The following KIF20B variants were observed in gnomAD, a reference collection of about 807,000 sequenced individuals.
The protein encoded by KIF20B is kinesin family member 20B, also known as kinesin-like protein KIF20B.
A neutral mutation model predicts 232.5 loss-of-function variants in KIF20B; 188 were observed. The ratio of observed to expected loss-of-function variants is 0.81; its 90% CI spans 0.72 to 0.91. The LOEUF (loss-of-function observed/expected upper bound fraction) is 0.91, where lower values mean the gene tolerates loss of function less well. Among genes scored for constraint, KIF20B ranks in the 40% least tolerant of loss-of-function variants. The pLI is 0.00. For synonymous variants in KIF20B, 712 were observed against 683.0 expected (o/e 1.04, Z -0.66); for missense variants, 2,154 against 2,055.9 (o/e 1.05, Z -0.92).
At chr10:89,709,019 C>G (rs1488647909) in intron 2 of KIF20B, 148 bp from the exon 3 acceptor site, 4 of 625,240 alleles carry the variant, frequency 6.4e-6, no homozygotes, top group African/African-American at 5.7e-5. Context: ...TTGAGTTTTT[C>G]TAACATTATT....
At chr10:89,737,100 G>A (rs553579777) in intron 19 of KIF20B, among the ~76,000 whole-genome samples, 2 of 152,160 alleles carry the variant, frequency 1.3e-5, no homozygotes, top group African/African-American at 4.8e-5. Context: ...CTGAAAGTTA[G>A]AAATAGCTGG....
At chr10:89,769,845 A>G (rs1254305421) in intron 31 of KIF20B, among the ~76,000 whole-genome samples, 1 of 151,942 alleles carries the variant, frequency 6.6e-6, no homozygotes, top group East Asian at 1.9e-4. Context: ...TTGTGAGGTT[A>G]CCTGAATGAC....
rs1843005505 is a variant in KIF20B, at chr10:89,719,566, G to T, written c.1582G>T (p.Asp528Tyr). 1 of 1,613,456 alleles carries T rather than the reference G, an allele frequency of 6.2e-7. No individual in the cohort carries two copies. Reference sequence around the variant, plus strand: ...CATTTCATGGGAAAATAGTCTAGAAGATTTGATGGAAGACGAGGATTTGGT... The same window carrying T: ...CATTTCATGGGAAAATAGTCTAGAATATTTGATGGAAGACGAGGATTTGGT... ...ATISWENSLE[D>Y]LMEDEDLVEE... The change falls in exon 13 of 33, where the codon GAT (aspartate) becomes TAT (tyrosine). Residue 528 changes from aspartate to tyrosine, a missense_variant. By Grantham distance (160) the Asp-to-Tyr change is radical (BLOSUM62 -3). Coordinates refer to ENST00000371728, the MANE Select transcript of KIF20B (RefSeq NM_001284259.2).
chr10:89,723,705 T>G (rs1489681701), intron 13 of KIF20B: 2 of 222,212 alleles, frequency 9.0e-6, no homozygotes, highest in African/African-American at 4.6e-5. Flanking sequence ...CTAATTAACT[T>G]TACTTATTTT....
intron 2 of KIF20B, among the ~76,000 whole-genome samples, chr10:89,708,217 T>A (rs1330662287): frequency 1.3e-5 from 2 of 150,762 alleles, no homozygotes; most frequent in African/African-American, 4.8e-5. Flanking sequence ...AATTTGTATT[T>A]TTTTTTTTTT....
chr10:89,703,828 C>G (rs1842665034), intron 1 of KIF20B, among the ~76,000 whole-genome samples: 1 of 150,746 alleles, frequency 6.6e-6, no homozygotes, highest in Non-Finnish European at 1.5e-5. Flanking sequence ...TCTCGGCTCA[C>G]TGCAGCCTCT....
intron 29 of KIF20B, among the ~76,000 whole-genome samples, chr10:89,765,208 T>C (rs1338010655): frequency 1.3e-5 from 2 of 152,110 alleles, no homozygotes; most frequent in Non-Finnish European, 2.9e-5. Flanking sequence ...GTTGTAGATA[T>C]GCGGCGTTAT....
At position 89,719,444 on chromosome 10, in the gene KIF20B, C is replaced by A; in HGVS notation, c.1460C>A (p.Ser487Tyr). The change falls in exon 13 of 33, where the codon TCC (serine) becomes TAC (tyrosine). Residue 487 changes from serine to tyrosine, a missense_variant. Transcript: ENST00000371728. The stretch of plus-strand genomic sequence containing the variant: ...GTTTGTGTCCCAGACACTTTAAATT[C>A]CTCTCAAGAGAAATTATTTGGACCT... ...QKVCVPDTLNSSQEKLFGPVK... is the reference protein window; with the variant it reads ...QKVCVPDTLNYSQEKLFGPVK... 1 of 1,588,000 alleles carries A rather than the reference C, an allele frequency of 6.3e-7. No homozygotes were observed. The highest frequency in any genetic ancestry group is 1.2e-5 in the South Asian group (1 of 86,688).
At chr10:89,744,179 A>G (rs1293214888) in intron 22 of KIF20B, among the ~76,000 whole-genome samples, 2 of 152,202 alleles carry the variant, frequency 1.3e-5, no homozygotes, top group Non-Finnish European at 2.9e-5. Context: ...GAAACCTAGC[A>G]GATACCACTT....
chr10:89,735,464 A>G (rs1451989037), intron 19 of KIF20B, among the ~76,000 whole-genome samples: 2 of 151,856 alleles, frequency 1.3e-5, no homozygotes, highest in African/African-American at 4.8e-5. Flanking sequence ...AATATTCGGG[A>G]CTCATTAAAA....
At chr10:89,717,333 G>T (rs1842954822) in intron 9 of KIF20B, 91 bp from the exon 10 acceptor site, 1 of 762,080 alleles carries the variant, frequency 1.3e-6, no homozygotes, top group Non-Finnish European at 2.2e-6. Context: ...TTATACTAGG[G>T]TATAAATAAG....
Position 89,714,045 on chromosome 10 carries a change from A to G in KIF20B, c.676-2A>G. The G allele has an allele frequency of 7.2e-7, 1 of 1,392,584 alleles. No individual in the cohort carries two copies. The highest frequency in any genetic ancestry group is 9.7e-7 in the Non-Finnish European group (1 of 1,031,380). 86.3% of individuals were successfully genotyped at this position (1,392,584 alleles called of 1,614,324 possible). ...AATTTTTTAAAACAATCTTTTTTTT[A>G]GGTTACTGTGCATAATGATAGTGAT... On this transcript the variant is annotated splice_acceptor_variant, in intron 6 of 32. Transcript: ENST00000371728. LOFTEE classifies it high-confidence loss of function.
rs1196445111 is a variant in KIF20B, at chr10:89,738,115, G to C, written c.3274G>C (p.Val1092Leu). 3 of 1,610,418 alleles carry C rather than the reference G, an allele frequency of 1.9e-6. No homozygotes were observed. Among genetic ancestry groups the C allele is most frequent in the South Asian group, 2.2e-5 (2 of 90,952 alleles). Residue 1092 changes from valine (V) to leucine (L), a missense_variant, in exon 20 of 33, where the codon GTA (valine) becomes CTA (leucine). By Grantham distance (32) the Val-to-Leu change is conservative. Coordinates refer to ENST00000371728, the MANE Select transcript of KIF20B (RefSeq NM_001284259.2). ...EQQIEKLQAE[V>L]KGYKDENNRL... ...ACAAATTGAAAAATTGCAGGCAGAA[G>C]TAAAAGGCTATAAGGATGAAAACAA...
chr10:89,750,242 A>G (rs1448666648), intron 23 of KIF20B, among the ~76,000 whole-genome samples: 3 of 152,126 alleles, frequency 2.0e-5, no homozygotes, highest in East Asian at 1.9e-4. Context: ...TTCTTTTTCT[A>G]GTCCTCAGTT....
chr10:89,705,451 A>G lies in KIF20B; in HGVS notation c.147+10A>G. 6.2e-7 allele frequency: 1 copy of G among 1,613,098 alleles called. No individual in the cohort carries two copies. Among genetic ancestry groups the G allele is most frequent in the Non-Finnish European group, 8.5e-7 (1 of 1,179,560 alleles). ...TGCTCCAAATACTGAGGTAAGTACAAGAAAAGTATTGTGTTGATTATCATG... is the reference window on the plus strand; with the variant it reads ...TGCTCCAAATACTGAGGTAAGTACAGGAAAAGTATTGTGTTGATTATCATG... On this transcript the variant is annotated intron_variant, in intron 2 of 32. Coordinates refer to ENST00000371728, the MANE Select transcript of KIF20B (RefSeq NM_001284259.2).
At chr10:89,703,217 TC>T (rs1009824981) in intron 1 of KIF20B, among the ~76,000 whole-genome samples, 1 of 152,052 alleles carries the variant, frequency 6.6e-6, no homozygotes, top group Non-Finnish European at 1.5e-5. Context: ...TTGCAGATGC[TC>T]CCCCCTCTGC....
intron 28 of KIF20B, among the ~76,000 whole-genome samples, 169 bp from the exon 29 acceptor site, chr10:89,762,468 GC>G (rs1304764257): frequency 6.6e-6 from 1 of 152,176 alleles, no homozygotes; most frequent in Non-Finnish European, 1.5e-5. Flanking sequence ...CCATGTGTGA[GC>G]CTGAAGAAAG....
intron 2 of KIF20B, among the ~76,000 whole-genome samples, chr10:89,708,149 A>T (rs1842763954): frequency 6.6e-6 from 1 of 151,756 alleles, no homozygotes. Context: ...GCTTATGTCA[A>T]ACTCAAAATT....
At chr10:89,760,661 C>G in intron 28 of KIF20B, 25 bp downstream of exon 28, 1 of 1,308,214 alleles carries the variant, frequency 7.6e-7, no homozygotes, top group Non-Finnish European at 1.1e-6. Context: ...GCACAGTCCA[C>G]TTATTTATTC....
Sources: gnomAD v4.1 joint callset for allele counts (sites outside exome capture counted in the v4.1 genomes callset) on GRCh38, gnomAD v4.1.1 for gene constraint, MANE v1.5 for transcripts, NCBI Gene and HGNC (gene_info 2026-07-23, HGNC 2026-07-21) for gene names.